ARHGAP35: variants seen among roughly 807,000 people sequenced by gnomAD.
ARHGAP35 encodes Rho GTPase activating protein 35.
A neutral mutation model predicts 111.1 loss-of-function variants in ARHGAP35; 15 were observed. The observed-to-expected ratio is 0.13, with a 90% CI of 0.09 to 0.21. The LOEUF (loss-of-function observed/expected upper bound fraction) is 0.21, where lower values mean the gene tolerates loss of function less well. ARHGAP35 is among the 10% of genes least tolerant of loss of function. The pLI is 1.00. For missense variants in ARHGAP35, 1,262 were observed against 1,873.0 expected, an observed-to-expected ratio of 0.67 and a Z score of 6.02; for synonymous variants, 643 against 710.3, an observed-to-expected ratio of 0.91 and a Z score of 1.51.
chr19:46,915,253 G>C (rs1316967592), intron 1 of ARHGAP35, among the ~76,000 whole-genome samples: 1 of 152,180 alleles, frequency 6.6e-6, no homozygotes, highest in Non-Finnish European at 1.5e-5. Flanking sequence ...GATGCGAAAG[G>C]TTTGTTTTTC....
chr19:46,957,784 G>A (rs567047408), intron 3 of ARHGAP35, among the ~76,000 whole-genome samples: 107 of 152,324 alleles, frequency 7.0e-4, no homozygotes, highest in African/African-American at 2.5e-3. Context: ...TGTGCTTCTC[G>A]CATTCGTGCA....
rs113396713 is a variant in ARHGAP35, at chr19:46,992,785, C to T, written c.4036+3110C>T. 1.3e-5 allele frequency among the ~76,000 whole-genome samples: 2 copies of T among 152,182 alleles called. No homozygotes were observed. Among genetic ancestry groups the T allele is most frequent in the African/African-American group, 4.8e-5 (2 of 41,438 alleles). On this transcript the variant is annotated intron_variant, in intron 5 of 6. Transcript: ENST00000672722. This position sits in a 1 kb window ranked among gnomAD's most constrained non-coding sequence, Gnocchi z 4.4. ...ACATTGTTGAAGGGGATGTGTGACC[C>T]GAACATGGTTCAGGATGCCAGCTCA...
chr19:46,900,258 G>A lies in ARHGAP35; in HGVS notation c.-188-18230G>A, dbSNP rs570890592. On this transcript the variant is annotated intron_variant, in intron 1 of 6. Coordinates refer to ENST00000672722, the MANE Select transcript of ARHGAP35 (RefSeq NM_004491.5). Reference sequence around the variant, plus strand: ...TTTTTTTGAGATGGAGTCTCACTCTGTCACCCAAGTTGGAGTGCAGTGGTG... The same window carrying A: ...TTTTTTTGAGATGGAGTCTCACTCTATCACCCAAGTTGGAGTGCAGTGGTG... 6.5e-5 allele frequency among the ~76,000 whole-genome samples: 8 copies of A among 123,478 alleles called. No individual in the cohort carries two copies. The East Asian group carries it at 1.8e-3, about 28-fold the overall frequency. 81.0% of individuals were successfully genotyped at this position (123,478 alleles called of 152,430 possible).
chr19:46,975,717 A>G (rs974047354), intron 3 of ARHGAP35, among the ~76,000 whole-genome samples: 1 of 152,102 alleles, frequency 6.6e-6, no homozygotes, highest in Admixed American at 6.5e-5. Flanking sequence ...GTTTTATAGC[A>G]TTGGACTGAG....
intron 1 of ARHGAP35, among the ~76,000 whole-genome samples, chr19:46,886,781 CTTA>C (rs5828290): frequency 0.31 from 46,658 of 151,692 alleles, 7,527 homozygotes; most frequent in East Asian, 0.57. Context: ...CTTAAGAATC[CTTA>C]GTGAAAATGT....
intron 3 of ARHGAP35, among the ~76,000 whole-genome samples, chr19:46,987,218 CT>C (rs370500363): frequency 0.055 from 6,393 of 115,468 alleles, 83 homozygotes; most frequent in African/African-American, 0.089. Context: ...TCTTTTTTTT[CT>C]TTTTTTTTTT....
rs76633424 is a variant in ARHGAP35 at position 46,885,786 on chromosome 19, A to G, written c.-189+24577A>G. Among the ~76,000 whole-genome samples, 36 of 151,618 alleles carry G rather than the reference A, an allele frequency of 2.4e-4. No individual in the cohort carries two copies. The East Asian group carries it at 5.6e-3, about 24-fold the overall frequency. ...GTGAGGTCCTAATTGGATTTTTTTA[A>G]TCTTAATTTTTTTAATTTTTACCTT... On this transcript the variant is annotated intron_variant, in intron 1 of 6. Transcript: ENST00000672722.
chr19:46,899,654 C>T (rs948904598), intron 1 of ARHGAP35, among the ~76,000 whole-genome samples: 4 of 151,212 alleles, frequency 2.6e-5, no homozygotes, highest in African/African-American at 7.3e-5. Context: ...GAGCCATAAT[C>T]GCGCCACTAC....
intron 1 of ARHGAP35, among the ~76,000 whole-genome samples, chr19:46,867,843 A>G (rs1044123165): frequency 6.6e-6 from 1 of 151,890 alleles, no homozygotes; most frequent in Non-Finnish European, 1.5e-5. Context: ...CTTAGAGGGC[A>G]TGCTCTCCTG....
intron 1 of ARHGAP35, among the ~76,000 whole-genome samples, chr19:46,888,317 TAA>T (rs1365181599): frequency 9.4e-5 from 5 of 53,302 alleles, no homozygotes; most frequent in Admixed American, 2.4e-4. Context: ...TATATATATA[TAA>T]AATATTGATT....
intron 1 of ARHGAP35, among the ~76,000 whole-genome samples, chr19:46,877,269 AAGTTAT>A (rs2055929708): frequency 7.4e-6 from 1 of 134,496 alleles, no homozygotes. Context: ...AAAAAAAAAA[AAGTTAT>A]GTTTTGGCTG....
chr19:46,970,830 G>T (rs1235955317), intron 3 of ARHGAP35, among the ~76,000 whole-genome samples: 1 of 152,138 alleles, frequency 6.6e-6, no homozygotes, highest in Non-Finnish European at 1.5e-5. Context: ...ACTCGAAGTG[G>T]AATGATTGAG....
intron 2 of ARHGAP35, among the ~76,000 whole-genome samples, chr19:46,925,495 T>C (rs1315158540): frequency 6.6e-6 from 1 of 152,086 alleles, no homozygotes; most frequent in Non-Finnish European, 1.5e-5. Context: ...AGGATTTCAG[T>C]TGGTAAGGGA....
intron 1 of ARHGAP35, among the ~76,000 whole-genome samples, chr19:46,874,671 AT>A (rs1383078826): frequency 1.3e-5 from 2 of 150,206 alleles, no homozygotes; most frequent in African/African-American, 4.9e-5. Context: ...TGCCTGGCTA[AT>A]TTTTGTATTT....
rs540101755 is a variant in ARHGAP35, at chr19:46,926,557, T to C, written c.3681+4201T>C. Among the ~76,000 whole-genome samples the C allele has an allele frequency of 1.3e-5, 2 of 152,224 alleles. No individual in the cohort carries two copies. Among genetic ancestry groups the C allele is most frequent in the African/African-American group, 4.8e-5 (2 of 41,524 alleles). ...GCTGAAATGGCTGCGTTTGGTGTGT[T>C]TGACTGTGGATTTAAAAAGAAGACA... is the stretch of plus-strand genomic sequence containing the variant. On this transcript the variant is annotated intron_variant, in intron 2 of 6. Coordinates refer to ENST00000672722, the MANE Select transcript of ARHGAP35 (RefSeq NM_004491.5). This position sits in a 1 kb window ranked among gnomAD's most constrained non-coding sequence, Gnocchi z 4.1.
At position 47,001,016 on chromosome 19, in the gene ARHGAP35, G is replaced by T; in HGVS notation, c.*328G>T. The T allele has an allele frequency of 6.9e-7, 1 of 1,454,606 alleles. No homozygotes were observed. The highest frequency in any genetic ancestry group is 1.2e-5 in the South Asian group (1 of 82,174). 90.1% of individuals were successfully genotyped at this position (1,454,606 alleles called of 1,614,324 possible). ...AGCCTCCGGGTGCCTCCCTCTGCTT[G>T]TACAGAGCCCATGGTCGGGACAGTG... is the stretch of plus-strand genomic sequence containing the variant. On this transcript the variant is annotated 3_prime_UTR_variant, in exon 7 of 7. Coordinates refer to ENST00000672722, the MANE Select transcript of ARHGAP35 (RefSeq NM_004491.5). The surrounding 1 kb of genome is among the most constrained non-coding windows in gnomAD (Gnocchi z 5.4).
intron 1 of ARHGAP35, among the ~76,000 whole-genome samples, chr19:46,902,102 T>G (rs992365741): frequency 1.3e-5 from 2 of 152,246 alleles, no homozygotes; most frequent in Non-Finnish European, 2.9e-5. Context: ...TAGGATTTTT[T>G]GCTGGAGGAA....
At position 47,000,294 on chromosome 19, in the gene ARHGAP35, G is replaced by A; in HGVS notation, c.4143-37G>A. On this transcript the variant is annotated intron_variant, in intron 6 of 6. Transcript: ENST00000672722. The surrounding 1 kb of genome is among the most constrained non-coding windows in gnomAD (Gnocchi z 6.9). ...AGCGCCCAGGGCCAGGTGGGGCCCT[G>A]CACAGTTCTGACCATTGAGTTTGGT... The A allele has an allele frequency of 1.2e-6, 2 of 1,601,210 alleles. No homozygotes were observed. Among genetic ancestry groups the A allele is most frequent in the Admixed American group, 1.7e-5 (1 of 59,370 alleles).
chr19:46,915,041 T>G (rs909668549), intron 1 of ARHGAP35, among the ~76,000 whole-genome samples: 4 of 152,190 alleles, frequency 2.6e-5, no homozygotes, highest in African/African-American at 9.7e-5. Flanking sequence ...CCTCAACCCT[T>G]CATCAGCACT....
Sources: allele counts gnomAD v4.1 joint callset (sites outside exome capture counted in the v4.1 genomes callset), GRCh38; gene constraint gnomAD v4.1.1; non-coding constraint Gnocchi (gnomAD v3.1); transcripts MANE v1.5; gene names NCBI Gene and HGNC (gene_info 2026-07-23, HGNC 2026-07-21).